The following HIBCH variants were observed in gnomAD, a reference collection of about 807,000 sequenced individuals.
The protein encoded by HIBCH is 3-hydroxyisobutyryl-CoA hydrolase.
In HIBCH, 50 loss-of-function variants were observed where a neutral mutation model predicts 58.2. That is an observed-to-expected ratio of 0.86 (90% CI 0.68 to 1.09). HIBCH has a LOEUF of 1.09. Ranked by LOEUF, HIBCH falls within the 50% of genes least tolerant of loss-of-function variation. HIBCH has a pLI of 0.00. For missense variants in HIBCH, 450 were observed against 449.7 expected, an observed-to-expected ratio of 1.00 and a Z score of -0.01; for synonymous variants, 151 against 146.9, an observed-to-expected ratio of 1.03 and a Z score of -0.20.
chr2:190,237,680 T>A, intron 11 of HIBCH, among the ~76,000 whole-genome samples: 1 of 152,060 alleles, frequency 6.6e-6, no homozygotes, highest in East Asian at 1.9e-4. Context: ...ATATATATAT[T>A]TATATATACG....
At position 190,254,975 on chromosome 2, in the gene HIBCH, T is replaced by G. The variant is rs1008792795; in HGVS notation, c.518-2668A>C. 1.4e-4 allele frequency among the ~76,000 whole-genome samples: 22 copies of G among 152,192 alleles called. No homozygotes were observed. The highest frequency in any genetic ancestry group is 4.8e-4 in the African/African-American group (20 of 41,448). Reference sequence around the variant, plus strand: ...AAATTTAATTAATTTATATTAAAATTTTAAAAGCCACTTGTGGCTAGTGGC... The same window carrying G: ...AAATTTAATTAATTTATATTAAAATGTTAAAAGCCACTTGTGGCTAGTGGC... On this transcript the variant is annotated intron_variant, in intron 7 of 13. Coordinates refer to ENST00000359678, the MANE Select transcript of HIBCH (RefSeq NM_014362.4). This position sits in a 1 kb window ranked among gnomAD's most constrained non-coding sequence, Gnocchi z 5.0.
chr2:190,314,729 TGGGCCTCCCAAAGTGCTGGGATGA>T (rs939348778), intron 1 of HIBCH, among the ~76,000 whole-genome samples: 12 of 152,202 alleles, frequency 7.9e-5, no homozygotes, highest in Non-Finnish European at 1.2e-4. Flanking sequence ...TCCGCCCACC[TGGGCCTCCCAAAGTGCTGGGATGA>T]CAGGTGTGAG....
rs1298209443 is a variant in HIBCH at position 190,217,067 on chromosome 2, G to A, written c.892-3992C>T. On this transcript the variant is annotated intron_variant, in intron 11 of 13. Transcript: ENST00000359678. The surrounding 1 kb of genome is among the most constrained non-coding windows in gnomAD (Gnocchi z 4.6). ...AGTGCCCCTCAGGAAAGGTGCCACA[G>A]GCTGTTAGCTCTTCAAACCAGCAGC... 6.6e-6 allele frequency among the ~76,000 whole-genome samples: 1 copy of A among 152,218 alleles called. No individual in the cohort carries two copies. The highest frequency in any genetic ancestry group is 1.5e-5 in the Non-Finnish European group (1 of 68,042).
intron 6 of HIBCH, among the ~76,000 whole-genome samples, chr2:190,264,133 G>T (rs1286875856): frequency 2.0e-5 from 3 of 152,080 alleles, no homozygotes; most frequent in African/African-American, 7.2e-5. Context: ...AGTCTCCAGT[G>T]ACTTCCCTTC....
chr2:190,267,702 C>T (rs1232464416), intron 6 of HIBCH, among the ~76,000 whole-genome samples: 3 of 152,120 alleles, frequency 2.0e-5, no homozygotes, highest in Non-Finnish European at 4.4e-5. Flanking sequence ...CAGTTGAGTA[C>T]AGTCAATAAT....
At chr2:190,253,991 G>A (rs1686853536) in intron 7 of HIBCH, among the ~76,000 whole-genome samples, 2 of 151,794 alleles carry the variant, frequency 1.3e-5, no homozygotes, top group Non-Finnish European at 2.9e-5. Flanking sequence ...CTCCCTCACA[G>A]ACACCACCTC....
intron 7 of HIBCH, among the ~76,000 whole-genome samples, chr2:190,257,661 A>G (rs1686964481): frequency 6.6e-6 from 1 of 152,010 alleles, no homozygotes; most frequent in African/African-American, 2.4e-5. Context: ...GGTAATTTAG[A>G]AAAAAAATTA....
At position 190,306,288 on chromosome 2, in the gene HIBCH, G is replaced by C. The variant is rs291437; in HGVS notation, c.78+4466C>G. Among the ~76,000 whole-genome samples the C allele has an allele frequency of 0.71, 108,067 of 151,938 alleles. 39,089 individuals are homozygous for C. Among genetic ancestry groups the C allele is most frequent in the South Asian group, 0.75 (3,626 of 4,808 alleles). On this transcript the variant is annotated intron_variant, in intron 2 of 13. Coordinates refer to ENST00000359678, the MANE Select transcript of HIBCH (RefSeq NM_014362.4). The surrounding 1 kb of genome is among the most constrained non-coding windows in gnomAD (Gnocchi z 4.6). ...TTCTCTGTACCTTACTGCTGGGTGT[G>C]CTATGAATAGGTATGCCATGAACCC...
intron 11 of HIBCH, among the ~76,000 whole-genome samples, chr2:190,229,726 A>G (rs1186495312): frequency 6.6e-6 from 1 of 152,242 alleles, no homozygotes; most frequent in East Asian, 1.9e-4. Flanking sequence ...ACAGGTCAAA[A>G]CATACACTAC....
At position 190,215,761 on chromosome 2, in the gene HIBCH, T is replaced by C. The variant is rs1690613759; in HGVS notation, c.892-2686A>G. On this transcript the variant is annotated intron_variant, in intron 11 of 13. Transcript: ENST00000359678. This position sits in a 1 kb window ranked among gnomAD's most constrained non-coding sequence, Gnocchi z 4.4. Reference sequence around the variant, plus strand: ...AAACGTAGAGGGCCAGAGAAAGAGTTAAGCTGCTGACCCTGAAGGCAAGGG... The same window carrying C: ...AAACGTAGAGGGCCAGAGAAAGAGTCAAGCTGCTGACCCTGAAGGCAAGGG... The C allele has an allele frequency of 6.6e-6, 1 of 152,330 alleles. No homozygotes were observed. Among genetic ancestry groups the C allele is most frequent in the Non-Finnish European group, 1.5e-5 (1 of 68,172 alleles). The allele number at this position is 152,330 out of a possible 1,614,324, so 9.4% of individuals were successfully genotyped here. A position where few individuals can be genotyped will look rare whatever the true frequency, so the allele number is the denominator to read the frequency against.
chr2:190,310,609 G>A (rs1271409198), intron 2 of HIBCH, 145 bp downstream of exon 2: 1 of 743,408 alleles, frequency 1.3e-6, no homozygotes. Context: ...CAAGGTGCGT[G>A]TGCCATGTCT....
At chr2:190,226,038 G>C (rs1685882035) in intron 11 of HIBCH, among the ~76,000 whole-genome samples, 1 of 152,090 alleles carries the variant, frequency 6.6e-6, no homozygotes, top group Admixed American at 6.5e-5. Flanking sequence ...GCAGAAAAGG[G>C]CTTCAACAAA....
intron 11 of HIBCH, among the ~76,000 whole-genome samples, chr2:190,219,425 C>T (rs1685652772): frequency 1.3e-5 from 2 of 152,130 alleles, no homozygotes; most frequent in Admixed American, 6.6e-5. Flanking sequence ...TAGCTGATGC[C>T]GCTTGTTGGC....
intron 7 of HIBCH, among the ~76,000 whole-genome samples, chr2:190,256,250 G>C (rs1686918828): frequency 6.6e-6 from 1 of 151,972 alleles, no homozygotes; most frequent in African/African-American, 2.4e-5. Context: ...TGAGACTAAG[G>C]AAAGAATCAC....
At chr2:190,238,761 C>T (rs1234745358) in intron 11 of HIBCH, among the ~76,000 whole-genome samples, 1 of 152,202 alleles carries the variant, frequency 6.6e-6, no homozygotes, top group Non-Finnish European at 1.5e-5. Context: ...CCACGCCCGG[C>T]CACAAACGTC....
chr2:190,265,474 G>C (rs1213124449), intron 6 of HIBCH, among the ~76,000 whole-genome samples: 1 of 138,046 alleles, frequency 7.2e-6, no homozygotes, highest in Non-Finnish European at 1.6e-5. Context: ...TTTTTTACTG[G>C]ATTTTTGAAT....
intron 5 of HIBCH, among the ~76,000 whole-genome samples, chr2:190,289,916 T>C (rs926321323): frequency 3.3e-5 from 5 of 152,178 alleles, no homozygotes; most frequent in Non-Finnish European, 7.4e-5. Flanking sequence ...CTCGCTTTGT[T>C]GCCCAGGCTG....
intron 6 of HIBCH, among the ~76,000 whole-genome samples, chr2:190,273,033 G>GA (rs1294375141): frequency 1.8e-3 from 278 of 150,388 alleles, no homozygotes; most frequent in African/African-American, 6.3e-3. Context: ...CTGTTAAAAA[G>GA]AAAAAAAAAG....
At chr2:190,309,277 A>T (rs1688494956) in intron 2 of HIBCH, among the ~76,000 whole-genome samples, 1 of 152,220 alleles carries the variant, frequency 6.6e-6, no homozygotes, top group African/African-American at 2.4e-5. Context: ...TAGAATTGCA[A>T]ATAAGAGATC....
Sources: gnomAD v4.1 joint callset for allele counts (sites outside exome capture counted in the v4.1 genomes callset) on GRCh38, gnomAD v4.1.1 for gene constraint, Gnocchi (gnomAD v3.1) non-coding constraint, MANE v1.5 for transcripts, NCBI Gene and HGNC (gene_info 2026-07-23, HGNC 2026-07-21) for gene names.